MTMR14: variants seen among roughly 807,000 people sequenced by gnomAD.
MTMR14 encodes myotubularin related protein 14.
In MTMR14, 48 loss-of-function variants were observed where a neutral mutation model predicts 86.3. The ratio of observed to expected loss-of-function variants is 0.56; its 90% CI spans 0.44 to 0.71. MTMR14 has a LOEUF of 0.71. Ranked by LOEUF, MTMR14 falls within the 30% of genes least tolerant of loss-of-function variation. The pLI, the probability that MTMR14 is intolerant of heterozygous loss-of-function variation, is 0.00. For synonymous variants in MTMR14, 366 were observed against 326.1 expected (o/e 1.12, Z -1.32); for missense variants, 780 against 834.6 (o/e 0.93, Z 0.81).
At position 9,649,656 on chromosome 3, in the gene MTMR14, C is replaced by G. The variant is rs2047163595; in HGVS notation, c.73C>G (p.Gln25Glu). The part of the protein sequence containing the change: ...SSASSGNQPP[Q>E]ELGLGELLEE... The stretch of plus-strand genomic sequence containing the variant: ...GGCCTCTTCAGGCAACCAGCCGCCT[C>G]AGGAGCTGGGGCTTGGGGAGCTGCT... Residue 25 changes from glutamine (Q) to glutamate (E), a missense_variant, in exon 1 of 19, where the codon CAG becomes GAG. Gln to Glu is a conservative substitution (Grantham distance 29, BLOSUM62 2). Transcript: ENST00000296003. 3 of 1,594,224 alleles carry G rather than the reference C, an allele frequency of 1.9e-6. No individual in the cohort carries two copies. The highest frequency in any genetic ancestry group is 1.7e-6 in the Non-Finnish European group (2 of 1,170,928).
intron 1 of MTMR14, 81 bp downstream of exon 1, chr3:9,649,823 A>G (rs2124868465): frequency 1.3e-6 from 2 of 1,581,418 alleles, no homozygotes; most frequent in South Asian, 2.3e-5. Context: ...AGGGGTCAGA[A>G]AAAGGTAGGA....
intron 10 of MTMR14, among the ~76,000 whole-genome samples, chr3:9,683,974 A>T (rs564588596): frequency 2.2e-4 from 34 of 152,292 alleles, no homozygotes; most frequent in African/African-American, 6.7e-4. Flanking sequence ...TCATTGGCCC[A>T]GTTTGGGTTA....
intron 1 of MTMR14, among the ~76,000 whole-genome samples, chr3:9,651,832 ATTT>A (rs745555864): frequency 2.3e-5 from 3 of 130,918 alleles, no homozygotes; most frequent in Non-Finnish European, 5.0e-5. Flanking sequence ...TGCCTGGCTA[ATTT>A]TTTTTTTTTT....
In MTMR14 at chr3:9,689,207, C is replaced by T. The variant is rs111439849; in HGVS notation, c.1433+125C>T. ...AAGAGAAGAGCTGAGAGGATAGCTCCGTGCTCCTGCTGTCTCTACTGGGCC... is the reference window on the plus strand; with the variant it reads ...AAGAGAAGAGCTGAGAGGATAGCTCTGTGCTCCTGCTGTCTCTACTGGGCC... On this transcript the variant is annotated intron_variant, in intron 16 of 18. Coordinates refer to ENST00000296003, the MANE Select transcript of MTMR14 (RefSeq NM_001077525.3). The T allele has an allele frequency of 1.8e-3, 2,504 of 1,400,138 alleles. 37 individuals are homozygous for T. In the African/African-American group the frequency reaches 0.031, roughly 17 times the overall value. The allele number at this position is 1,400,138 out of a possible 1,614,324, so 86.7% of individuals were successfully genotyped here.
At chr3:9,693,498 C>T (rs1248155456) in intron 17 of MTMR14, among the ~76,000 whole-genome samples, 1 of 152,204 alleles carries the variant, frequency 6.6e-6, no homozygotes, top group East Asian at 1.9e-4. Context: ...AGTCAGTTAA[C>T]ACATGTTTTG....
chr3:9,670,988 C>A, intron 5 of MTMR14, 60 bp from the exon 6 acceptor site: 2 of 1,611,002 alleles, frequency 1.2e-6, no homozygotes, highest in Admixed American at 1.7e-5. Context: ...TGAGTGCCCA[C>A]CCCCAAGCTC....
At chr3:9,650,384 A>C in intron 1 of MTMR14, 1 of 456,506 alleles carries the variant, frequency 2.2e-6, no homozygotes, top group Non-Finnish European at 4.4e-6. Context: ...CCCCACCCTA[A>C]GCACTGGCTG....
rs1340503806 is a variant in MTMR14 at position 9,651,895 on chromosome 3, G to C, written c.160-1726G>C. Among the ~76,000 whole-genome samples the C allele has an allele frequency of 2.0e-5, 3 of 151,180 alleles. No individual in the cohort carries two copies. In the East Asian group the frequency reaches 5.8e-4, roughly 29 times the overall value. ...CGCCCAGGCTGGAATGCAATGGCGT[G>C]ATCTCGGCTCACTGCAACCTCCGCC... On this transcript the variant is annotated intron_variant, in intron 1 of 18. Coordinates refer to ENST00000296003, the MANE Select transcript of MTMR14 (RefSeq NM_001077525.3).
chr3:9,685,470 C>T (rs1379972182), intron 13 of MTMR14, among the ~76,000 whole-genome samples: 1 of 152,154 alleles, frequency 6.6e-6, no homozygotes, highest in African/African-American at 2.4e-5. Flanking sequence ...GATACAAGCC[C>T]ACACGTCGGG....
chr3:9,657,189 G>C (rs868093103), intron 2 of MTMR14, among the ~76,000 whole-genome samples: 2 of 152,140 alleles, frequency 1.3e-5, no homozygotes, highest in African/African-American at 4.8e-5. Flanking sequence ...GATTAGAGGT[G>C]AGAGCCACCG....
intron 13 of MTMR14, among the ~76,000 whole-genome samples, chr3:9,686,690 T>C (rs2075968655): frequency 6.6e-6 from 1 of 152,240 alleles, no homozygotes; most frequent in Non-Finnish European, 1.5e-5. Flanking sequence ...TGACCCGACC[T>C]GGGCAGCCCT....
At chr3:9,694,903 G>A (rs139667667) in intron 17 of MTMR14, among the ~76,000 whole-genome samples, 199 of 152,326 alleles carry the variant, frequency 1.3e-3, no homozygotes, top group African/African-American at 4.6e-3. Context: ...AACTAAGGAA[G>A]TGAAATGTTG....
chr3:9,655,028 TG>T (rs1050032062), intron 2 of MTMR14, among the ~76,000 whole-genome samples: 4 of 152,124 alleles, frequency 2.6e-5, no homozygotes, highest in African/African-American at 9.7e-5. Flanking sequence ...ACCTGTGGGT[TG>T]TGTGTGGGTA....
chr3:9,690,656 C>T (rs898280710), intron 17 of MTMR14, among the ~76,000 whole-genome samples: 7 of 152,196 alleles, frequency 4.6e-5, no homozygotes, highest in Non-Finnish European at 1.0e-4. Context: ...GGCTGAAGGG[C>T]GCTGCAGGAA....
chr3:9,672,893 T>G, intron 7 of MTMR14, 135 bp downstream of exon 7: 2 of 833,366 alleles, frequency 2.4e-6, no homozygotes, highest in Non-Finnish European at 4.1e-6. Flanking sequence ...TGTAGGACAT[T>G]TTGGTTCCCA....
intron 4 of MTMR14, 103 bp from the exon 5 acceptor site, chr3:9,669,329 C>T: frequency 8.5e-7 from 1 of 1,182,170 alleles, no homozygotes. Flanking sequence ...CCATGTAGTC[C>T]CAGCCCACCC....
At chr3:9,658,313 T>C (rs2047727698) in intron 2 of MTMR14, among the ~76,000 whole-genome samples, 1 of 152,222 alleles carries the variant, frequency 6.6e-6, no homozygotes, top group African/African-American at 2.4e-5. Flanking sequence ...AATGTTTTGG[T>C]CCTGTTAAGG....
intron 3 of MTMR14, among the ~76,000 whole-genome samples, chr3:9,666,799 A>G (rs2048277009): frequency 6.6e-6 from 1 of 152,214 alleles, no homozygotes; most frequent in African/African-American, 2.4e-5. Context: ...GGCCATTCCT[A>G]ACTAGGTAAA....
chr3:9,671,119 A>C lies in MTMR14; in HGVS notation c.626A>C (p.Lys209Thr). 1.9e-6 allele frequency: 3 copies of C among 1,614,222 alleles called. No individual in the cohort carries two copies. Among genetic ancestry groups the C allele is most frequent in the African/African-American group, 1.3e-5 (1 of 75,060 alleles). Reference sequence around the variant, plus strand: ...AAGCTGCTTCGATACCTGTCAGTCAAATACATCTGTGACCTGATGGTGGAG... The same window carrying C: ...AAGCTGCTTCGATACCTGTCAGTCACATACATCTGTGACCTGATGGTGGAG... Reference protein sequence around the residue: ...DIKLLRYLSVKYICDLMVENK... With the variant: ...DIKLLRYLSVTYICDLMVENK... Residue 209 changes from lysine (K) to threonine (T), a missense_variant, in exon 6 of 19, where the codon AAA (lysine) becomes ACA (threonine). Transcript: ENST00000296003.
Sources: allele counts gnomAD v4.1 joint callset (sites outside exome capture counted in the v4.1 genomes callset), GRCh38; gene constraint gnomAD v4.1.1; transcripts MANE v1.5; gene names NCBI Gene and HGNC (gene_info 2026-07-23, HGNC 2026-07-21).